The following MAGI1 variants were observed in gnomAD, a reference collection of about 807,000 sequenced individuals.
MAGI1 encodes membrane associated guanylate kinase, WW and PDZ domain containing 1.
Under a neutral mutation model 139.9 loss-of-function variants are expected in MAGI1, and 58 were observed. That is an observed-to-expected ratio of 0.41 (90% CI 0.34 to 0.52). MAGI1 has a LOEUF of 0.52. Among genes scored for constraint, MAGI1 ranks in the 20% least tolerant of loss-of-function variants. The pLI is 0.12. For missense variants in MAGI1, 1,874 were observed against 1,901.6 expected (o/e 0.99, Z 0.27); for synonymous variants, 812 against 737.9 (o/e 1.10, Z -1.63).
chr3:65,612,569 A>G (rs2083178992), intron 2 of MAGI1, among the ~76,000 whole-genome samples: 1 of 152,192 alleles, frequency 6.6e-6, no homozygotes, highest in Non-Finnish European at 1.5e-5. Flanking sequence ...AAAATAACAC[A>G]ATTGACGTTT....
intron 1 of MAGI1, among the ~76,000 whole-genome samples, chr3:65,967,499 G>A (rs991052712): frequency 6.6e-6 from 1 of 152,150 alleles, no homozygotes; most frequent in Non-Finnish European, 1.5e-5. Flanking sequence ...ATAGGCCACA[G>A]ATTCCAGTTA....
intron 1 of MAGI1, among the ~76,000 whole-genome samples, chr3:65,880,145 G>C (rs190791634): frequency 1.0e-3 from 156 of 152,304 alleles, no homozygotes; most frequent in African/African-American, 3.0e-3. Context: ...AGAAGGCTAA[G>C]GCAGGAGGAC....
chr3:65,608,617 T>C (rs901241006), intron 2 of MAGI1, among the ~76,000 whole-genome samples: 1 of 151,770 alleles, frequency 6.6e-6, no homozygotes, highest in Non-Finnish European at 1.5e-5. Context: ...TATGCAAAAA[T>C]TTAAAAGACT....
At chr3:66,018,793 T>C (rs1448805789) in intron 1 of MAGI1, among the ~76,000 whole-genome samples, 1 of 152,154 alleles carries the variant, frequency 6.6e-6, no homozygotes, top group Non-Finnish European at 1.5e-5. Context: ...TTACCTCCCA[T>C]CCTCCTCTTT....
At chr3:65,514,108 T>C (rs1392067342) in intron 2 of MAGI1, among the ~76,000 whole-genome samples, 5 of 149,316 alleles carry the variant, frequency 3.3e-5, no homozygotes, top group Non-Finnish European at 6.0e-5. Context: ...TAGCCATATG[T>C]AGAAAGCTGA....
intron 9 of MAGI1, among the ~76,000 whole-genome samples, chr3:65,438,748 T>C (rs1181532951): frequency 1.3e-5 from 2 of 152,200 alleles, no homozygotes; most frequent in African/African-American, 4.8e-5. Flanking sequence ...AAAAGGAGAA[T>C]ACTTTGTGAC....
chr3:65,793,765 C>T (rs775815162), intron 1 of MAGI1, among the ~76,000 whole-genome samples: 1 of 152,194 alleles, frequency 6.6e-6, no homozygotes, highest in Non-Finnish European at 1.5e-5. Context: ...AGTTTACCTT[C>T]TCCCAACTCT....
At chr3:65,837,708 A>T (rs981665172) in intron 1 of MAGI1, among the ~76,000 whole-genome samples, 1 of 152,154 alleles carries the variant, frequency 6.6e-6, no homozygotes, top group African/African-American at 2.4e-5. Flanking sequence ...TTCTTTTTAA[A>T]ATCACAGGAG....
At chr3:65,651,061 C>A (rs939808132) in intron 1 of MAGI1, among the ~76,000 whole-genome samples, 1 of 152,168 alleles carries the variant, frequency 6.6e-6, no homozygotes, top group Non-Finnish European at 1.5e-5. Context: ...CCAACCCCAC[C>A]TAGTCCTCAT....
intron 1 of MAGI1, among the ~76,000 whole-genome samples, chr3:66,020,162 G>A (rs966851277): frequency 1.3e-5 from 2 of 152,286 alleles, no homozygotes; most frequent in Admixed American, 6.5e-5. Context: ...CATCTTGGCC[G>A]GGCGCAGTGG....
Position 66,038,177 on chromosome 3 carries a change from G to A in MAGI1, c.132C>T (p.Val44=). The change falls in exon 1 of 23, where the codon GTC becomes GTT. Residue 44 remains valine, a synonymous_variant. Coordinates refer to ENST00000402939, the MANE Select transcript of MAGI1 (RefSeq NM_001033057.2). ...CTGCCTCGACCGCCGCCACCGCTCC[G>A]ACGTACGGAAACTCCCCGTGCTCCG... ...GGAEHGEFPY[V]GAVAAVEAAG... is the part of the protein sequence containing the mutation. 1.2e-6 allele frequency: 2 copies of A among 1,612,118 alleles called. No individual in the cohort carries two copies. Among genetic ancestry groups the A allele is most frequent in the African/African-American group, 2.7e-5 (2 of 75,016 alleles).
At chr3:65,680,339 A>G (rs754538438) in intron 1 of MAGI1, among the ~76,000 whole-genome samples, 1 of 152,192 alleles carries the variant, frequency 6.6e-6, no homozygotes, top group Non-Finnish European at 1.5e-5. Context: ...TTTGAATATG[A>G]TAAGACTATG....
chr3:66,003,153 G>T (rs2107455845), intron 1 of MAGI1, among the ~76,000 whole-genome samples: 1 of 152,276 alleles, frequency 6.6e-6, no homozygotes, highest in East Asian at 1.9e-4. Flanking sequence ...CAGGGCAGTT[G>T]GTGCAAAACT....
chr3:65,580,221 G>A (rs950097698), intron 2 of MAGI1, among the ~76,000 whole-genome samples: 1 of 152,068 alleles, frequency 6.6e-6, no homozygotes, highest in South Asian at 2.1e-4. Context: ...TTTCCAGAAT[G>A]TATTCTGTAC....
chr3:65,591,079 C>T (rs1004294906), intron 2 of MAGI1, among the ~76,000 whole-genome samples: 3 of 152,054 alleles, frequency 2.0e-5, no homozygotes, highest in East Asian at 3.9e-4. Flanking sequence ...CTTTCATCAC[C>T]GTTTCCATCA....
intron 1 of MAGI1, among the ~76,000 whole-genome samples, chr3:65,926,334 TCTC>T (rs2062508455): frequency 3.5e-5 from 5 of 144,504 alleles, no homozygotes; most frequent in Non-Finnish European, 6.0e-5. Flanking sequence ...CTTTTCTCTC[TCTC>T]TCTCTCTCTC....
intron 1 of MAGI1, among the ~76,000 whole-genome samples, chr3:65,880,624 G>A (rs1336292114): frequency 6.6e-6 from 1 of 152,064 alleles, no homozygotes; most frequent in Non-Finnish European, 1.5e-5. Flanking sequence ...CATAAAAGTA[G>A]CATTCCACGC....
chr3:66,038,148 C>CCCGCTGCCTCGA lies in MAGI1; in HGVS notation c.149_160dup (p.Val50_Ala53dup). ...CGGGCCCTCGCCGCCGCCGGGAAGC[C>CCCGCTGCCTCGA]CCGCTGCCTCGACCGCCGCCACCGC... On this transcript the variant is annotated inframe_insertion, in exon 1 of 23. Transcript: ENST00000402939. The CCCGCTGCCTCGA allele has an allele frequency of 6.2e-7, 1 of 1,611,858 alleles. No individual in the cohort carries two copies. The highest frequency in any genetic ancestry group is 8.5e-7 in the Non-Finnish European group (1 of 1,179,336).
intron 5 of MAGI1, among the ~76,000 whole-genome samples, chr3:65,467,347 G>A (rs1950238270): frequency 6.6e-6 from 1 of 152,184 alleles, no homozygotes; most frequent in Admixed American, 6.5e-5. Flanking sequence ...TTCTAATGCG[G>A]TTTAATTTGC....
Sources: gnomAD v4.1 joint callset for allele counts (sites outside exome capture counted in the v4.1 genomes callset) on GRCh38, gnomAD v4.1.1 for gene constraint, MANE v1.5 for transcripts, NCBI Gene and HGNC (gene_info 2026-07-23, HGNC 2026-07-21) for gene names.